The following UBXN6 variants were observed in gnomAD, a reference collection of about 807,000 sequenced individuals.
UBXN6 encodes UBX domain-containing protein 6.
UBXN6 carries 44 observed loss-of-function variants against 51.4 expected under a neutral mutation model. That is an observed-to-expected ratio of 0.86 (90% CI 0.67 to 1.10). The LOEUF (loss-of-function observed/expected upper bound fraction) is 1.10, where lower values mean the gene tolerates loss of function less well. UBXN6 is among the 50% of genes least tolerant of loss of function. The pLI is 0.00. For synonymous variants in UBXN6, 316 were observed against 263.2 expected, an observed-to-expected ratio of 1.20 and a Z score of -1.94; for missense variants, 672 against 596.1, an observed-to-expected ratio of 1.13 and a Z score of -1.32.
chr19:4,456,734 C>T (rs1048041325), intron 1 of UBXN6, among the ~76,000 whole-genome samples: 12 of 152,312 alleles, frequency 7.9e-5, no homozygotes, highest in Non-Finnish European at 8.8e-5. Flanking sequence ...TCTCCCACTT[C>T]CATAATCCAC....
In UBXN6 at chr19:4,446,891, G is replaced by T; in HGVS notation, c.645C>A (p.His215Gln). The T allele has an allele frequency of 6.2e-7, 1 of 1,613,966 alleles. No individual in the cohort carries two copies. The highest frequency in any genetic ancestry group is 1.1e-5 in the South Asian group (1 of 91,082). The change falls in exon 7 of 11, where the codon CAC becomes CAA. Residue 215 changes from histidine to glutamine, a missense_variant. His to Gln is a conservative substitution (Grantham distance 24). Coordinates refer to ENST00000301281, the MANE Select transcript of UBXN6 (RefSeq NM_025241.3). ...GGAACCCAATGGCCTCAAAAAACTC[G>T]TGGGTCCCTTCCAGGCAGTTAATGC... is the stretch of plus-strand genomic sequence containing the variant. The part of the protein sequence containing the change: ...QERINCLEGT[H>Q]EFFEAIGFQK...
intron 3 of UBXN6, among the ~76,000 whole-genome samples, chr19:4,452,931 G>A (rs1468101557): frequency 2.6e-5 from 4 of 152,178 alleles, no homozygotes; most frequent in Admixed American, 6.5e-5. Flanking sequence ...CTGAATCCTC[G>A]AGGGTCAAGC....
Position 4,448,341 on chromosome 19 carries a change from C to T in UBXN6, c.516G>A (p.Lys172=), listed in dbSNP as rs1417976242. The T allele has an allele frequency of 1.9e-6, 3 of 1,609,250 alleles. No homozygotes were observed. The highest frequency in any genetic ancestry group is 2.5e-6 in the Non-Finnish European group (3 of 1,178,384). ...ACTTGGCAATGGTGTCCACACCCAG[C>T]TTCACCCGGTCCTGGTCTTTGTTGA... The part of the protein sequence containing the change: ...YTFNKDQDRV[K]LGVDTIAKYL... The change falls in exon 5 of 11, where the codon AAG becomes AAA. Residue 172 remains lysine (K), a synonymous_variant. Coordinates refer to ENST00000301281, the MANE Select transcript of UBXN6 (RefSeq NM_025241.3).
chr19:4,450,754 G>A (rs1245044510), intron 4 of UBXN6: 3 of 44,700 alleles, frequency 6.7e-5, no homozygotes, highest in African/African-American at 9.0e-5. Flanking sequence ...GCGAGACTCT[G>A]TCTCAAAAAA....
Position 4,446,032 on chromosome 19 carries a change from T to C in UBXN6, c.1200+17A>G. On this transcript the variant is annotated intron_variant, in intron 10 of 10. Coordinates refer to ENST00000301281, the MANE Select transcript of UBXN6 (RefSeq NM_025241.3). ...AGAGGCATCGGGTCAGCGGTGCTCCTGCGGGCCGACACTCACCAGCCCGCA... is the reference window on the plus strand; with the variant it reads ...AGAGGCATCGGGTCAGCGGTGCTCCCGCGGGCCGACACTCACCAGCCCGCA... The C allele has an allele frequency of 6.2e-7, 1 of 1,600,900 alleles. No homozygotes were observed. Among genetic ancestry groups the C allele is most frequent in the Non-Finnish European group, 8.5e-7 (1 of 1,173,462 alleles).
chr19:4,447,442 G>A (rs747946051), intron 6 of UBXN6, 108 bp downstream of exon 6: 16 of 1,233,654 alleles, frequency 1.3e-5, no homozygotes, highest in Middle Eastern at 2.7e-4. Flanking sequence ...CTCAACTCTC[G>A]CTAGCTCCTC....
rs1445785466 is a variant in UBXN6, at chr19:4,445,354, A to G, written c.*144T>C. Reference sequence around the variant, plus strand: ...GCTCTGCCACGGGGCCCAATTCCACAGCTCCACGGCTGGCGCCCCTCCCGT... The same window carrying G: ...GCTCTGCCACGGGGCCCAATTCCACGGCTCCACGGCTGGCGCCCCTCCCGT... On this transcript the variant is annotated 3_prime_UTR_variant, in exon 11 of 11. Coordinates refer to ENST00000301281, the MANE Select transcript of UBXN6 (RefSeq NM_025241.3). 2 of 1,394,040 alleles carry G rather than the reference A, an allele frequency of 1.4e-6. No homozygotes were observed. Among genetic ancestry groups the G allele is most frequent in the East Asian group, 2.3e-5 (1 of 42,974 alleles). The allele number at this position is 1,394,040 out of a possible 1,614,324, so 86.4% of individuals were successfully genotyped here. A position where few individuals can be genotyped will look rare whatever the true frequency, so the allele number is the denominator to read the frequency against.
intron 1 of UBXN6, chr19:4,455,050 G>C (rs150233844): frequency 4.4e-4 from 101 of 227,882 alleles, no homozygotes; most frequent in Non-Finnish European, 4.0e-4. Context: ...CAAGTACGAA[G>C]AGCTCATGGA....
chr19:4,448,755 GCCA>G (rs1402072587), intron 4 of UBXN6: 1 of 290,064 alleles, frequency 3.4e-6, no homozygotes, highest in Admixed American at 4.7e-5. Context: ...ATCCATCAAG[GCCA>G]CCGCCACTTA....
chr19:4,456,959 C>T (rs979924130), intron 1 of UBXN6, among the ~76,000 whole-genome samples: 2 of 152,152 alleles, frequency 1.3e-5, no homozygotes, highest in South Asian at 4.1e-4. Flanking sequence ...GCTGCCCACC[C>T]CGGCCTCCCT....
In UBXN6 at chr19:4,452,273, G is replaced by A. The variant is rs1974665348; in HGVS notation, c.441+91C>T. 5 of 1,545,340 alleles carry A rather than the reference G, an allele frequency of 3.2e-6. No homozygotes were observed. The Admixed American group carries it at 9.1e-5, about 28-fold the overall frequency. ...TAGCAGTGGCCTCTGGGGACTCTGGGAGGGATCTGTACCACCTGGGCTTCC... is the reference window on the plus strand; with the variant it reads ...TAGCAGTGGCCTCTGGGGACTCTGGAAGGGATCTGTACCACCTGGGCTTCC... On this transcript the variant is annotated intron_variant, in intron 4 of 10. Coordinates refer to ENST00000301281, the MANE Select transcript of UBXN6 (RefSeq NM_025241.3).
upstream of UBXN6, chr19:4,457,804 A>ATT: frequency 2.7e-5 from 15 of 552,814 alleles, no homozygotes; most frequent in Non-Finnish European, 3.6e-5. Flanking sequence ...TTAAAAAAAA[A>ATT]AAAAAAAAAA....
At position 4,448,693 on chromosome 19, in the gene UBXN6, C is replaced by T. The variant is rs77562484; in HGVS notation, c.442-278G>A. The T allele has an allele frequency of 4.2e-4, 204 of 480,732 alleles. 1 individual carries two copies. Among genetic ancestry groups the T allele is most frequent in the Middle Eastern group, 2.9e-3 (5 of 1,702 alleles). The allele number at this position is 480,732 out of a possible 1,614,324, so 29.8% of individuals were successfully genotyped here. A position where few individuals can be genotyped will look rare whatever the true frequency, so the allele number is the denominator to read the frequency against. On this transcript the variant is annotated intron_variant, in intron 4 of 10. Transcript: ENST00000301281. ...ATGGGACTTGGAAGCCAGTGTGACG[C>T]GACAGAACTGTGCCTCACACTCTGG...
At chr19:4,455,113 G>T in intron 1 of UBXN6, 1 of 721,124 alleles carries the variant, frequency 1.4e-6, no homozygotes, top group Non-Finnish European at 1.7e-6. Context: ...CGTAACCCAC[G>T]TGGCACAGTG....
intron 1 of UBXN6, among the ~76,000 whole-genome samples, chr19:4,456,528 G>A (rs1175715147): frequency 6.6e-6 from 1 of 151,334 alleles, no homozygotes; most frequent in African/African-American, 2.4e-5. Context: ...ACCACCCTCT[G>A]GCCAGCCAGC....
At chr19:4,450,410 C>G (rs1372086819) in intron 4 of UBXN6, 1 of 151,988 alleles carries the variant, frequency 6.6e-6, no homozygotes, top group Non-Finnish European at 1.5e-5. Context: ...ATAGAAGCAA[C>G]TAGAGGGAAA....
In UBXN6 at chr19:4,452,589, C is replaced by T. The variant is rs1974673042; in HGVS notation, c.313-97G>A. ...CCTGAGTGTGGCCCGTAGAACCAGA[C>T]ATCTCCAGCCCCCATGCTGTCCCTT... On this transcript the variant is annotated intron_variant, in intron 3 of 10. Transcript: ENST00000301281. 4 of 1,452,436 alleles carry T rather than the reference C, an allele frequency of 2.8e-6. No homozygotes were observed. The East Asian group carries it at 7.4e-5, about 27-fold the overall frequency. 90.0% of individuals were successfully genotyped at this position (1,452,436 alleles called of 1,614,324 possible). A position where few individuals can be genotyped will look rare whatever the true frequency, so the allele number is the denominator to read the frequency against.
chr19:4,447,219 C>A (rs985128096), intron 6 of UBXN6: 3 of 576,118 alleles, frequency 5.2e-6, no homozygotes, highest in Non-Finnish European at 9.3e-6. Context: ...GACCCCAGTC[C>A]CTGCCCTTTC....
At chr19:4,448,555 G>T in intron 4 of UBXN6, 140 bp from the exon 5 acceptor site, 1 of 704,714 alleles carries the variant, frequency 1.4e-6, no homozygotes, top group Non-Finnish European at 2.4e-6. Context: ...TCACAGAAAG[G>T]AAAAGAGAGA....
Sources: gnomAD v4.1 joint callset for allele counts (sites outside exome capture counted in the v4.1 genomes callset) on GRCh38, gnomAD v4.1.1 for gene constraint, MANE v1.5 for transcripts, NCBI Gene and HGNC (gene_info 2026-07-23, HGNC 2026-07-21) for gene names.